The following FOXP1 variants were observed in gnomAD, a reference collection of about 807,000 sequenced individuals.
FOXP1 encodes the protein forkhead box P1, also known as forkhead box protein P1.
A neutral mutation model predicts 98.2 loss-of-function variants in FOXP1; 15 were observed. The observed-to-expected ratio is 0.15, with a 90% CI of 0.10 to 0.24. FOXP1 has a LOEUF of 0.24. Among genes scored for constraint, FOXP1 ranks in the 10% least tolerant of loss-of-function variants. The pLI is 1.00. For missense variants in FOXP1, 633 were observed against 848.5 expected, an observed-to-expected ratio of 0.75 and a Z score of 3.15; for synonymous variants, 371 against 314.5, an observed-to-expected ratio of 1.18 and a Z score of -1.90.
chr3:71,448,116 C>T (rs942526120), intron 3 of FOXP1, among the ~76,000 whole-genome samples: 1 of 152,098 alleles, frequency 6.6e-6, no homozygotes, highest in African/African-American at 2.4e-5. Context: ...GCCTTGGGGA[C>T]GGAACCCCAG....
At chr3:71,186,512 ACCAT>A (rs1218556238) in intron 6 of FOXP1, among the ~76,000 whole-genome samples, 5 of 152,230 alleles carry the variant, frequency 3.3e-5, no homozygotes, top group African/African-American at 1.2e-4. Context: ...AGAGATCGAG[ACCAT>A]CCTGGCCAAC....
At chr3:71,386,382 C>T (rs542433147) in intron 3 of FOXP1, among the ~76,000 whole-genome samples, 3 of 152,278 alleles carry the variant, frequency 2.0e-5, no homozygotes, top group African/African-American at 7.2e-5. Context: ...CTGACCATTG[C>T]GTGCCCAGGG....
At chr3:71,489,198 C>T (rs2090887802) in intron 3 of FOXP1, among the ~76,000 whole-genome samples, 1 of 152,182 alleles carries the variant, frequency 6.6e-6, no homozygotes, top group South Asian at 2.1e-4. Context: ...TAGCCCTTCA[C>T]CAAGTCTTCG....
At chr3:71,295,658 T>A (rs1288122986) in intron 5 of FOXP1, among the ~76,000 whole-genome samples, 1 of 152,240 alleles carries the variant, frequency 6.6e-6, no homozygotes, top group Non-Finnish European at 1.5e-5. Flanking sequence ...ATGGCCTTGA[T>A]GATTATCTTC....
intron 5 of FOXP1, among the ~76,000 whole-genome samples, chr3:71,201,898 TCCCTG>T (rs2063701691): frequency 6.6e-6 from 1 of 152,162 alleles, no homozygotes; most frequent in South Asian, 2.1e-4. Flanking sequence ...ATAAACTCTA[TCCCTG>T]CCCTAAGAAT....
At chr3:71,444,574 C>A (rs1183460569) in intron 3 of FOXP1, among the ~76,000 whole-genome samples, 1 of 152,132 alleles carries the variant, frequency 6.6e-6, no homozygotes, top group Non-Finnish European at 1.5e-5. Flanking sequence ...AGTGAGATGG[C>A]AGATAGGAGG....
intron 7 of FOXP1, among the ~76,000 whole-genome samples, chr3:71,110,308 G>A (rs1448945512): frequency 1.3e-5 from 2 of 152,132 alleles, no homozygotes; most frequent in Admixed American, 6.5e-5. Flanking sequence ...AATCACAAAT[G>A]ATATTCAATA....
At chr3:71,514,710 C>T (rs2042435806) in intron 2 of FOXP1, among the ~76,000 whole-genome samples, 1 of 152,220 alleles carries the variant, frequency 6.6e-6, no homozygotes, top group African/African-American at 2.4e-5. Context: ...CCTGTCTAAG[C>T]TCAGCAAATA....
At chr3:71,537,402 A>G (rs1484824490) in intron 2 of FOXP1, among the ~76,000 whole-genome samples, 1 of 152,154 alleles carries the variant, frequency 6.6e-6, no homozygotes, top group South Asian at 2.1e-4. Context: ...AGTATGGAAA[A>G]GTGTACTAGA....
At chr3:71,199,191 G>A (rs751194740) in intron 5 of FOXP1, among the ~76,000 whole-genome samples, 7 of 148,366 alleles carry the variant, frequency 4.7e-5, no homozygotes, top group African/African-American at 1.0e-4. Context: ...CACTGCCTCC[G>A]CCTCCCGGGC....
At chr3:71,403,685 T>C (rs9844474) in intron 3 of FOXP1, among the ~76,000 whole-genome samples, 101,017 of 151,974 alleles carry the variant, frequency 0.66, 34,825 homozygotes, top group Non-Finnish European at 0.74. Context: ...CCCATCTCCA[T>C]TAAAAATACA....
chr3:71,442,552 T>C (rs1192988088), intron 3 of FOXP1, among the ~76,000 whole-genome samples: 2 of 152,330 alleles, frequency 1.3e-5, no homozygotes, highest in Non-Finnish European at 2.9e-5. Context: ...GAAAGCTACA[T>C]GGGCACGGAG....
intron 2 of FOXP1, among the ~76,000 whole-genome samples, chr3:71,545,271 G>C (rs1329720726): frequency 6.6e-6 from 1 of 152,238 alleles, no homozygotes; most frequent in Non-Finnish European, 1.5e-5. Flanking sequence ...GTAAGTCACA[G>C]TTTGTCTGGG....
intron 1 of FOXP1, chr3:71,582,677 C>T (rs540757048): frequency 1.0e-6 from 1 of 985,426 alleles, no homozygotes; most frequent in African/African-American, 1.7e-5. Context: ...CTCCTCGCAG[C>T]GCATCCGGCT....
intron 7 of FOXP1, among the ~76,000 whole-genome samples, chr3:71,091,397 G>T (rs1429464866): frequency 6.6e-6 from 1 of 152,034 alleles, no homozygotes; most frequent in East Asian, 1.9e-4. Flanking sequence ...GGAGGCTGAG[G>T]CAGAAGTGCT....
rs190383645 is a variant in FOXP1 at position 71,187,946 on chromosome 3, G to C, written c.180+10256C>G. 2.6e-3 allele frequency among the ~76,000 whole-genome samples: 390 copies of C among 152,076 alleles called. 1 individual carries two copies. Among genetic ancestry groups the C allele is most frequent in the African/African-American group, 9.0e-3 (373 of 41,494 alleles). ...GTAAAAGGTTGTTGAGTTTGTAAAG[G>C]GTATATCAAGAGTGAATACAGGAGG... On this transcript the variant is annotated intron_variant, in intron 6 of 20. Transcript: ENST00000649528.
chr3:71,474,370 G>C (rs990758625), intron 3 of FOXP1, among the ~76,000 whole-genome samples: 2 of 152,298 alleles, frequency 1.3e-5, no homozygotes, highest in African/African-American at 4.8e-5. Context: ...TGTCACCTGG[G>C]TATTTCTAGA....
At chr3:71,050,450 T>C (rs2049721641) in intron 9 of FOXP1, among the ~76,000 whole-genome samples, 1 of 152,152 alleles carries the variant, frequency 6.6e-6, no homozygotes, top group Non-Finnish European at 1.5e-5. Context: ...TCTTCAAATA[T>C]AGAGTTAAAG....
At chr3:71,219,527 G>GT (rs540248845) in intron 5 of FOXP1, among the ~76,000 whole-genome samples, 4 of 152,116 alleles carry the variant, frequency 2.6e-5, no homozygotes, top group South Asian at 2.1e-4. Flanking sequence ...TCTTTTAACC[G>GT]TAAGTTTTAT....
Sources: allele counts gnomAD v4.1 joint callset (sites outside exome capture counted in the v4.1 genomes callset), GRCh38; gene constraint gnomAD v4.1.1; transcripts MANE v1.5; gene names NCBI Gene and HGNC (gene_info 2026-07-23, HGNC 2026-07-21).